The following LILRB1 variants were observed in gnomAD, a reference collection of about 807,000 sequenced individuals.
The protein encoded by LILRB1 is leukocyte immunoglobulin-like receptor subfamily B member 1.
A neutral mutation model predicts 74.6 loss-of-function variants in LILRB1; 59 were observed. The ratio of observed to expected loss-of-function variants is 0.79; its 90% confidence interval spans 0.64 to 0.98. LILRB1 has a LOEUF of 0.98. Ranked by LOEUF, LILRB1 falls within the 50% of genes least tolerant of loss-of-function variation. The probability of loss-of-function intolerance (pLI) is 0.00; values close to 1 mark genes in which losing one functional copy is unlikely to be tolerated. For missense variants in LILRB1, 804 were observed against 822.6 expected (o/e 0.98, Z 0.28); for synonymous variants, 328 against 333.9 (o/e 0.98, Z 0.19).
intron 1 of LILRB1, 23 bp from the exon 2 acceptor site, chr19:54,631,003 T>C: frequency 6.2e-7 from 1 of 1,614,096 alleles, no homozygotes; most frequent in Admixed American, 1.7e-5. Context: ...GGCCACACTC[T>C]GTGTGTCTCT....
At chr19:54,634,334 G>T in intron 9 of LILRB1, 1 of 1,541,846 alleles carries the variant, frequency 6.5e-7, no homozygotes, top group Non-Finnish European at 8.8e-7. Context: ...AAGAGTCATG[G>T]TTCAGGACGG....
rs200461258 is a variant in LILRB1, at chr19:54,632,687, C to G, written c.885C>G (p.Tyr295Ter). 1,839 of 1,613,278 alleles carry G rather than the reference C, an allele frequency of 1.1e-3. 6 individuals are homozygous for G. Among genetic ancestry groups the G allele is most frequent in the Non-Finnish European group, 1.4e-3 (1,601 of 1,180,004 alleles). The change falls in exon 6 of 15, where the codon TAC (tyrosine) becomes TAG (stop). Residue 295 changes from tyrosine (Y) to a stop codon, truncating the protein, a stop_gained. Coordinates refer to ENST00000324602, the MANE Select transcript of LILRB1 (RefSeq NM_001081637.3). LOFTEE classifies it high-confidence loss of function. ...TGAGCCGCTCCTACGGGGGCCAGTA[C>G]AGATGCTACGGTGCACACAACCTCT... ...GPVSRSYGGQ[Y>*]RCYGAHNLSS...
chr19:54,623,204 G>A (rs1385959058), intron 1 of LILRB1, among the ~76,000 whole-genome samples: 6 of 152,252 alleles, frequency 3.9e-5, no homozygotes, highest in African/African-American at 9.6e-5. Flanking sequence ...GAATCCCATC[G>A]CCTTGATTTT....
rs2064473140 is a variant in LILRB1, at chr19:54,636,759, G to A, written c.1840G>A (p.Val614Met). 6.2e-7 allele frequency: 1 copy of A among 1,610,546 alleles called. No homozygotes were observed. ...TGCTGCATCTGAAGCCCCCCAGGAT[G>A]TGACCTACGCCCAGCTGCACAGCTT... Reference protein sequence around the residue: ...EAAASEAPQDVTYAQLHSLTL... With the variant: ...EAAASEAPQDMTYAQLHSLTL... The change falls in exon 15 of 15, where the codon GTG (valine) becomes ATG (methionine). Residue 614 changes from valine to methionine, a missense_variant. Transcript: ENST00000324602.
Position 54,636,779 on chromosome 19 carries a change from C to A in LILRB1, c.1860C>A (p.His620Gln). The A allele has an allele frequency of 6.2e-7, 1 of 1,613,006 alleles. No individual in the cohort carries two copies. Among genetic ancestry groups the A allele is most frequent in the Non-Finnish European group, 8.5e-7 (1 of 1,179,394 alleles). Residue 620 changes from histidine to glutamine, a missense_variant, in exon 15 of 15, where the codon CAC becomes CAA. Physicochemically the swap from His to Gln is conservative, Grantham distance 24. Transcript: ENST00000324602. ...AGGATGTGACCTACGCCCAGCTGCA[C>A]AGCTTGACCCTCAGACGGGAGGCAA... ...APQDVTYAQL[H>Q]SLTLRREATE...
chr19:54,618,331 G>A (rs2063367567), intron 1 of LILRB1, among the ~76,000 whole-genome samples: 1 of 152,050 alleles, frequency 6.6e-6, no homozygotes, highest in African/African-American at 2.4e-5. Context: ...TACTTTATCA[G>A]GACAAGATGC....
chr19:54,632,999 A>T lies in LILRB1; in HGVS notation c.959-17A>T. 1 of 1,607,442 alleles carries T rather than the reference A, an allele frequency of 6.2e-7. No individual in the cohort carries two copies. The highest frequency in any genetic ancestry group is 8.5e-7 in the Non-Finnish European group (1 of 1,175,608). On this transcript the variant is annotated splice_polypyrimidine_tract_variant and intron_variant, in intron 6 of 14. Transcript: ENST00000324602. The stretch of plus-strand genomic sequence containing the variant: ...AGCAAGGTGGGGCAGCCCCTCGCCC[A>T]TCCTTCTTCTCTCCAGGACAGTTCT...
At chr19:54,636,402 A>T in intron 13 of LILRB1, 92 bp from the exon 14 acceptor site, 5 of 1,566,880 alleles carry the variant, frequency 3.2e-6, no homozygotes, top group East Asian at 2.2e-5. Context: ...CGGGAAAGGG[A>T]TGTAATCGGA....
rs199829008 is a variant in LILRB1 at position 54,631,996 on chromosome 19, T to A, written c.420T>A (p.Asn140Lys). 1 of 1,614,010 alleles carries A rather than the reference T, an allele frequency of 6.2e-7. No homozygotes were observed. Residue 140 changes from asparagine (N) to lysine (K), a missense_variant, in exon 5 of 15, where the codon AAT becomes AAA. By Grantham distance (94) the Asn-to-Lys change is moderately conservative. Transcript: ENST00000324602. ...QPSPVVNSGG[N>K]VTLQCDSQVA... ...GCCCCGTGGTGAACTCAGGAGGGAA[T>A]GTAACCCTCCAGTGTGACTCACAGG...
rs565880536 is a variant in LILRB1 at position 54,632,347 on chromosome 19, G to C, written c.661+110G>C. 2.6e-5 allele frequency: 40 copies of C among 1,548,016 alleles called. No homozygotes were observed. In the African/African-American group the frequency reaches 5.1e-4, roughly 20 times the overall value. On this transcript the variant is annotated intron_variant, in intron 5 of 14. Transcript: ENST00000324602. ...GATGATGTTGGGGCGAGAGGGCTCA[G>C]GGCTCCTGGGGCCAGAGACACAGGA... is the stretch of plus-strand genomic sequence containing the variant.
intron 1 of LILRB1, among the ~76,000 whole-genome samples, chr19:54,617,591 T>TGTGTGTG (rs2063344204): frequency 9.0e-5 from 12 of 133,432 alleles, no homozygotes; most frequent in South Asian, 2.5e-4. Flanking sequence ...GTGTGTGTGG[T>TGTGTGTG]GTGTGTGTGT....
At chr19:54,629,899 T>G (rs773140024), upstream of LILRB1, among the ~76,000 whole-genome samples, 19 of 146,636 alleles carry the variant, frequency 1.3e-4, no homozygotes, top group Middle Eastern at 7.0e-3. Flanking sequence ...AATGCCCAGA[T>G]AGATGGACAA....
At chr19:54,625,814 T>G, upstream of LILRB1, among the ~76,000 whole-genome samples, 1 of 144,312 alleles carries the variant, frequency 6.9e-6, no homozygotes, top group African/African-American at 2.6e-5. Flanking sequence ...TTAGGGACCC[T>G]CTCACTCACT....
In LILRB1 at chr19:54,633,582, G is replaced by A. The variant is rs538248966; in HGVS notation, c.1262-56G>A. 229 of 1,543,586 alleles carry A rather than the reference G, an allele frequency of 1.5e-4. No individual in the cohort carries two copies. The East Asian group carries it at 5.2e-3, about 35-fold the overall frequency. ...TCCCATGTAGAGAAATTTGGTTTGAGGTGGAGACTTCAGGAAAGCCCCAGC... is the reference window on the plus strand; with the variant it reads ...TCCCATGTAGAGAAATTTGGTTTGAAGTGGAGACTTCAGGAAAGCCCCAGC... On this transcript the variant is annotated intron_variant, in intron 7 of 14. Transcript: ENST00000324602.
At chr19:54,627,333 A>AG, upstream of LILRB1, among the ~76,000 whole-genome samples, 2 of 152,106 alleles carry the variant, frequency 1.3e-5, no homozygotes, top group Non-Finnish European at 2.9e-5. Flanking sequence ...TCGTAACCCA[A>AG]TCCCTTCACT....
In LILRB1 at chr19:54,631,491, T is replaced by C; in HGVS notation, c.71-9T>C. 1 of 1,603,972 alleles carries C rather than the reference T, an allele frequency of 6.2e-7. No individual in the cohort carries two copies. Among genetic ancestry groups the C allele is most frequent in the Non-Finnish European group, 8.5e-7 (1 of 1,174,454 alleles). ...ATGAGTTAGAATCTGACTCCTGATT[T>C]CCTTCCAGGGCACCTCCCCAAGCCC... On this transcript the variant is annotated splice_polypyrimidine_tract_variant and intron_variant, in intron 3 of 14. Transcript: ENST00000324602.
At position 54,634,708 on chromosome 19, in the gene LILRB1, C is replaced by T. The variant is rs1224329879; in HGVS notation, c.1431C>T (p.Leu477=). 1.2e-6 allele frequency: 2 copies of T among 1,613,998 alleles called. No individual in the cohort carries two copies. Among genetic ancestry groups the T allele is most frequent in the South Asian group, 2.2e-5 (2 of 91,058 alleles). The part of the protein sequence containing the change: ...LVAVILLLLL[L]LLLFLILRHR... Reference sequence around the variant, plus strand: ...CCGTCATCCTACTGCTCCTCCTCCTCCTCCTCCTCTTCCTCATCCTCCGAC... The same window carrying T: ...CCGTCATCCTACTGCTCCTCCTCCTTCTCCTCCTCTTCCTCATCCTCCGAC... Residue 477 remains leucine (L), a synonymous_variant, in exon 10 of 15, where the codon CTC becomes CTT. Transcript: ENST00000324602.
chr19:54,631,513 G>A lies in LILRB1; in HGVS notation c.84G>A (p.Lys28=). The A allele has an allele frequency of 2.5e-6, 4 of 1,612,180 alleles. No individual in the cohort carries two copies. The highest frequency in any genetic ancestry group is 3.4e-6 in the Non-Finnish European group (4 of 1,178,894). Residue 28 remains lysine (K), a synonymous_variant, in exon 4 of 15, where the codon AAG becomes AAA. Coordinates refer to ENST00000324602, the MANE Select transcript of LILRB1 (RefSeq NM_001081637.3). ...ATTTCCTTCCAGGGCACCTCCCCAAGCCCACCCTCTGGGCTGAACCAGGCT... is the reference window on the plus strand; with the variant it reads ...ATTTCCTTCCAGGGCACCTCCCCAAACCCACCCTCTGGGCTGAACCAGGCT... The part of the protein sequence containing the change: ...RTHVQAGHLP[K]PTLWAEPGSV...
In LILRB1 at chr19:54,631,251, C is replaced by A; in HGVS notation, c.35-20C>A. ...CCCAGGCTTCAGGGGGCAAATCCCT[C>A]ACCGGGAACTCTCTTCCAGGGCTGA... is the stretch of plus-strand genomic sequence containing the variant. On this transcript the variant is annotated intron_variant, in intron 2 of 14. Transcript: ENST00000324602. 1 of 1,611,762 alleles carries A rather than the reference C, an allele frequency of 6.2e-7. No individual in the cohort carries two copies. The highest frequency in any genetic ancestry group is 8.5e-7 in the Non-Finnish European group (1 of 1,179,338).
Sources: gnomAD v4.1 joint callset for allele counts (sites outside exome capture counted in the v4.1 genomes callset) on GRCh38, gnomAD v4.1.1 for gene constraint, MANE v1.5 for transcripts, NCBI Gene and HGNC (gene_info 2026-07-23, HGNC 2026-07-21) for gene names.